MACROD2: variants seen among roughly 807,000 people sequenced by gnomAD.
MACROD2 encodes the protein mono-ADP ribosylhydrolase 2.
MACROD2 carries 36 observed loss-of-function variants against 70.4 expected under a neutral mutation model. The observed-to-expected ratio is 0.51, with a 90% confidence interval of 0.39 to 0.68. MACROD2 has a LOEUF of 0.68. MACROD2 is among the 30% of genes least tolerant of loss of function. MACROD2 has a pLI of 0.00. For missense variants in MACROD2, 496 were observed against 538.4 expected (o/e 0.92, Z 0.78); for synonymous variants, 172 against 178.8 (o/e 0.96, Z 0.30).
At chr20:15,601,895 G>T (rs1165643521) in intron 8 of MACROD2, among the ~76,000 whole-genome samples, 1 of 152,088 alleles carries the variant, frequency 6.6e-6, no homozygotes, top group Non-Finnish European at 1.5e-5. Flanking sequence ...GGGTGTGTTG[G>T]CATGCACCTG....
chr20:15,718,521 C>G (rs13036296), intron 8 of MACROD2, among the ~76,000 whole-genome samples: 15,331 of 152,186 alleles, frequency 0.1, 820 homozygotes, highest in East Asian at 0.15. Flanking sequence ...CCATGAAAAG[C>G]CATCTTTGTT....
chr20:15,533,449 G>T (rs1816000), intron 8 of MACROD2, among the ~76,000 whole-genome samples: 16,465 of 151,916 alleles, frequency 0.11, 1,045 homozygotes, highest in East Asian at 0.28. Context: ...GTATTACGGG[G>T]TACTTTAAGT....
intron 8 of MACROD2, among the ~76,000 whole-genome samples, chr20:15,568,763 G>A (rs2048341259): frequency 6.6e-6 from 1 of 152,088 alleles, no homozygotes; most frequent in Non-Finnish European, 1.5e-5. Context: ...CAGACTTGGG[G>A]CTCCTGTTAA....
At chr20:15,653,878 G>A (rs2049684963) in intron 8 of MACROD2, among the ~76,000 whole-genome samples, 1 of 152,064 alleles carries the variant, frequency 6.6e-6, no homozygotes, top group Non-Finnish European at 1.5e-5. Flanking sequence ...AGAATTAGGG[G>A]CTGGAATTTA....
chr20:14,888,947 A>G, intron 5 of MACROD2, among the ~76,000 whole-genome samples: 1 of 152,086 alleles, frequency 6.6e-6, no homozygotes, highest in Non-Finnish European at 1.5e-5. Context: ...GAATTTTGGG[A>G]GAAAAGCTAT....
intron 12 of MACROD2, among the ~76,000 whole-genome samples, chr20:15,948,074 G>C (rs560246197): frequency 6.6e-6 from 1 of 152,076 alleles, no homozygotes; most frequent in Non-Finnish European, 1.5e-5. Flanking sequence ...TGAGAGGGGG[G>C]ACTGAGAGAC....
At chr20:15,583,383 T>A (rs1163764726) in intron 8 of MACROD2, among the ~76,000 whole-genome samples, 1 of 152,240 alleles carries the variant, frequency 6.6e-6, no homozygotes, top group Non-Finnish European at 1.5e-5. Flanking sequence ...GTCTCGATAT[T>A]CATCCAGCCT....
At chr20:15,469,896 C>G (rs1339335287) in intron 7 of MACROD2, among the ~76,000 whole-genome samples, 2 of 151,988 alleles carry the variant, frequency 1.3e-5, no homozygotes, top group Admixed American at 6.6e-5. Flanking sequence ...CTCTTTATTT[C>G]CACTTTCTAG....
chr20:15,806,605 A>G (rs891781242), intron 8 of MACROD2, among the ~76,000 whole-genome samples: 2 of 152,010 alleles, frequency 1.3e-5, no homozygotes, highest in African/African-American at 4.8e-5. Flanking sequence ...TTTTTTTTTC[A>G]AAGAACAGAG....
intron 5 of MACROD2, among the ~76,000 whole-genome samples, chr20:14,991,346 T>G (rs2074902457): frequency 6.6e-6 from 1 of 152,108 alleles, no homozygotes; most frequent in Non-Finnish European, 1.5e-5. Flanking sequence ...AATGCCTAGG[T>G]CTTGGGTAGA....
chr20:14,632,717 A>G (rs1984580260), intron 4 of MACROD2, among the ~76,000 whole-genome samples: 1 of 152,228 alleles, frequency 6.6e-6, no homozygotes, highest in South Asian at 2.1e-4. Flanking sequence ...AAACAAAATT[A>G]AATAAATTGA....
At chr20:14,270,198 T>C (rs536123131) in intron 3 of MACROD2, among the ~76,000 whole-genome samples, 1 of 152,270 alleles carries the variant, frequency 6.6e-6, no homozygotes, top group East Asian at 1.9e-4. Flanking sequence ...TGAAAGTGTC[T>C]ATATGCACAC....
chr20:15,111,390 T>G (rs538724393), intron 5 of MACROD2, among the ~76,000 whole-genome samples: 7 of 152,242 alleles, frequency 4.6e-5, no homozygotes, highest in Non-Finnish European at 1.0e-4. Flanking sequence ...CAGGCTGGTC[T>G]TGATCTCTTG....
chr20:14,844,814 C>T (rs2073123112), intron 5 of MACROD2, among the ~76,000 whole-genome samples: 1 of 152,094 alleles, frequency 6.6e-6, no homozygotes, highest in Non-Finnish European at 1.5e-5. Context: ...GAAGAGCCTT[C>T]CCTGTGGATT....
chr20:14,933,088 A>G (rs992147842), intron 5 of MACROD2, among the ~76,000 whole-genome samples: 3 of 151,806 alleles, frequency 2.0e-5, no homozygotes, highest in African/African-American at 7.3e-5. Flanking sequence ...TTTTTTTTTA[A>G]CCACTTCCAT....
intron 3 of MACROD2, 71 bp from the exon 4 acceptor site, chr20:14,493,408 G>T: frequency 7.7e-7 from 1 of 1,299,922 alleles, no homozygotes. Context: ...GCTTTATCTT[G>T]AATTACTCTG....
chr20:15,736,984 C>A (rs1972783656), intron 8 of MACROD2, among the ~76,000 whole-genome samples: 1 of 152,016 alleles, frequency 6.6e-6, no homozygotes, highest in Non-Finnish European at 1.5e-5. Flanking sequence ...AAGTAAATAA[C>A]CAGAGTTTTA....
intron 6 of MACROD2, among the ~76,000 whole-genome samples, chr20:15,371,888 A>G (rs1255073028): frequency 6.6e-6 from 1 of 152,178 alleles, no homozygotes; most frequent in Non-Finnish European, 1.5e-5. Flanking sequence ...TTTGGTATGT[A>G]TAATTCCTGT....
chr20:14,811,889 C>T (rs768580601), intron 5 of MACROD2, among the ~76,000 whole-genome samples: 12 of 152,012 alleles, frequency 7.9e-5, no homozygotes, highest in East Asian at 3.9e-4. Flanking sequence ...TACCATCTTG[C>T]GCCAGTTAGA....
Sources: allele counts gnomAD v4.1 joint callset (sites outside exome capture counted in the v4.1 genomes callset), GRCh38; gene constraint gnomAD v4.1.1; transcripts MANE v1.5; gene names NCBI Gene and HGNC (gene_info 2026-07-23, HGNC 2026-07-21).